Variants in KMT2C observed in about 807,000 individuals in gnomAD.
KMT2C encodes histone-lysine N-methyltransferase 2C.
In KMT2C, 88 loss-of-function variants were observed where a neutral mutation model predicts 507.9. The ratio of observed to expected loss-of-function variants is 0.17; its 90% CI spans 0.15 to 0.21. The LOEUF (loss-of-function observed/expected upper bound fraction) is 0.21. Among genes scored for constraint, KMT2C ranks in the 10% least tolerant of loss-of-function variants. The probability of loss-of-function intolerance (pLI) is 1.00; values close to 1 mark genes in which losing one functional copy is unlikely to be tolerated. For missense variants in KMT2C, 4,954 were observed against 5,957.8 expected (o/e 0.83, Z 5.55); for synonymous variants, 2,049 against 2,080.8 (o/e 0.98, Z 0.42).
At position 152,252,723 on chromosome 7, in the gene KMT2C, C is replaced by A. The variant is rs1200940887; in HGVS notation, c.1300-8G>T. On this transcript the variant is annotated splice_polypyrimidine_tract_variant and splice_region_variant and intron_variant, in intron 9 of 58. Transcript: ENST00000262189. ...TATACATATTCTGCAATTCTAAACACCAGGAAAAATAAAAACAAAAACAGT... is the reference window on the plus strand; with the variant it reads ...TATACATATTCTGCAATTCTAAACAACAGGAAAAATAAAAACAAAAACAGT... 6.4e-7 allele frequency: 1 copy of A among 1,571,894 alleles called. No individual in the cohort carries two copies. Among genetic ancestry groups the A allele is most frequent in the Non-Finnish European group, 8.7e-7 (1 of 1,152,922 alleles).
rs558632716 is a variant in KMT2C, at chr7:152,421,235, C to T, written c.161+14391G>A. ...CAGAATGGCTATGATTAAAAAGTCA[C>T]ACACAAAAAAAACATGTTGGCAAGG... On this transcript the variant is annotated intron_variant, in intron 1 of 58. Transcript: ENST00000262189. 7.2e-5 allele frequency among the ~76,000 whole-genome samples: 11 copies of T among 152,040 alleles called. No individual in the cohort carries two copies. In the South Asian group the frequency reaches 2.3e-3, roughly 32 times the overall value.
chr7:152,433,838 CGA>C (rs377522985), intron 1 of KMT2C, among the ~76,000 whole-genome samples: 2 of 152,378 alleles, frequency 1.3e-5, no homozygotes, highest in South Asian at 2.1e-4. Flanking sequence ...AGGGTGTGTG[CGA>C]GTGTGCGCGT....
intron 1 of KMT2C, among the ~76,000 whole-genome samples, chr7:152,420,276 C>T (rs1041450665): frequency 2.6e-5 from 4 of 152,210 alleles, no homozygotes; most frequent in African/African-American, 9.6e-5. Flanking sequence ...CTAACACCCA[C>T]ACCGATCTGT....
chr7:152,318,341 C>T (rs113051965), intron 3 of KMT2C, among the ~76,000 whole-genome samples: 7,808 of 151,984 alleles, frequency 0.051, 269 homozygotes, highest in Non-Finnish European at 0.074. Context: ...TGGTGGCACA[C>T]ACCTGTAATC....
At position 152,177,105 on chromosome 7, in the gene KMT2C, T is replaced by C. The variant is rs2129114215; in HGVS notation, c.8348A>G (p.Asp2783Gly). The part of the protein sequence containing the change: ...FNEELDLPID[D>G]KLDNQCVSVE... ...AGATACACACTGATTATCTAACTTA[T>C]CATCAATTGGAAGGTCTAGTTCCTC... is the stretch of plus-strand genomic sequence containing the variant. The change falls in exon 38 of 59, where the codon GAT becomes GGT. Residue 2783 changes from aspartate to glycine, a missense_variant. By Grantham distance (94) the Asp-to-Gly change is moderately conservative. Around this residue, in one of 29 missense-constraint regions of KMT2C, gnomAD observed 1,689 missense variants for 1,654.3 expected, o/e 1.02. Coordinates refer to ENST00000262189, the MANE Select transcript of KMT2C (RefSeq NM_170606.3). 1 of 1,613,098 alleles carries C rather than the reference T, an allele frequency of 6.2e-7. No individual in the cohort carries two copies. Among genetic ancestry groups the C allele is most frequent in the Non-Finnish European group, 8.5e-7 (1 of 1,179,682 alleles).
chr7:152,169,119 G>T (rs1364624564), intron 41 of KMT2C, 67 bp downstream of exon 41: 5 of 1,023,060 alleles, frequency 4.9e-6, no homozygotes, highest in South Asian at 1.3e-5. Flanking sequence ...TTCAGGTTTA[G>T]AACAGCACAC....
At chr7:152,408,995 C>T (rs370545172) in intron 1 of KMT2C, among the ~76,000 whole-genome samples, 15 of 146,034 alleles carry the variant, frequency 1.0e-4, no homozygotes, top group African/African-American at 3.8e-4. Context: ...GTTTCTCTCT[C>T]TTTTTTTTTT....
intron 6 of KMT2C, among the ~76,000 whole-genome samples, chr7:152,282,808 A>G (rs1381824453): frequency 6.8e-6 from 1 of 147,282 alleles, no homozygotes; most frequent in Non-Finnish European, 1.5e-5. Context: ...CCTATTATTC[A>G]CTTGCTATAT....
chr7:152,154,047 A>T lies in KMT2C; in HGVS notation c.12239T>A (p.Ile4080Lys), dbSNP rs150192787. The change falls in exon 48 of 59, where the codon ATA (isoleucine) becomes AAA (lysine). Residue 4080 changes from isoleucine (I) to lysine (K), a missense_variant. Physicochemically the swap from Ile to Lys is moderately radical, Grantham distance 102. Transcript: ENST00000262189. ...AGGATGCAGAGTAATTGCTACAGAT[A>T]TAAGACCTGATCTGGGACCATTTGG... ...PSPNGPRSGL[I>K]SVAITLHPTA... 6.2e-7 allele frequency: 1 copy of T among 1,614,174 alleles called. No homozygotes were observed. The highest frequency in any genetic ancestry group is 2.2e-5 in the East Asian group (1 of 44,888).
chr7:152,182,294 G>C lies in KMT2C; in HGVS notation c.5566C>G (p.Pro1856Ala), dbSNP rs1157727315. ...VFVKPQAPPP[P>A]PAPSRIPIQD... ...ATGGGAATCCGGGATGGGGCTGGAG[G>C]AGGAGGTGGAGCTTGTGGCTTTACA... is the stretch of plus-strand genomic sequence containing the variant. The change falls in exon 36 of 59, where the codon CCT (proline) becomes GCT (alanine). Residue 1856 changes from proline to alanine, a missense_variant. Coordinates refer to ENST00000262189, the MANE Select transcript of KMT2C (RefSeq NM_170606.3). 1 of 1,614,196 alleles carries C rather than the reference G, an allele frequency of 6.2e-7. No homozygotes were observed. Among genetic ancestry groups the C allele is most frequent in the Non-Finnish European group, 8.5e-7 (1 of 1,180,040 alleles).
At chr7:152,329,221 T>C (rs1047391608) in intron 3 of KMT2C, among the ~76,000 whole-genome samples, 3 of 151,858 alleles carry the variant, frequency 2.0e-5, no homozygotes, top group Non-Finnish European at 2.9e-5. Flanking sequence ...TAGCAAAAGA[T>C]AAAATGAGGA....
In KMT2C at chr7:152,149,048, G is replaced by C; in HGVS notation, c.12879C>G (p.Pro4293=). The change falls in exon 52 of 59, where the codon CCC becomes CCG. Residue 4293 remains proline, a synonymous_variant. Transcript: ENST00000262189. ...NISTLDVHCL[P]QLPEKASPPA... is the part of the protein sequence containing the mutation. Reference sequence around the variant, plus strand: ...GGGGAGAAGCTTTCTCTGGGAGCTGGGGGAGACAGTGCACATCCAAAGTGG... The same window carrying C: ...GGGGAGAAGCTTTCTCTGGGAGCTGCGGGAGACAGTGCACATCCAAAGTGG... The C allele has an allele frequency of 1.3e-6, 2 of 1,532,120 alleles. No individual in the cohort carries two copies. The highest frequency in any genetic ancestry group is 1.3e-5 in the South Asian group (1 of 75,580). 94.9% of individuals were successfully genotyped at this position (1,532,120 alleles called of 1,614,324 possible). A position where few individuals can be genotyped will look rare whatever the true frequency, so the allele number is the denominator to read the frequency against.
chr7:152,418,005 T>C (rs989721269), intron 1 of KMT2C, among the ~76,000 whole-genome samples: 4 of 142,830 alleles, frequency 2.8e-5, no homozygotes, highest in African/African-American at 1.0e-4. Flanking sequence ...TAGGCTGGAG[T>C]GAAGTGGCAC....
At chr7:152,365,485 G>A (rs1004762762) in intron 1 of KMT2C, among the ~76,000 whole-genome samples, 40 of 152,180 alleles carry the variant, frequency 2.6e-4, no homozygotes, top group African/African-American at 9.4e-4. Context: ...CAGCCTGGGC[G>A]GCAGAGTGAG....
intron 27 of KMT2C, 59 bp downstream of exon 27, chr7:152,199,220 T>G: frequency 7.4e-7 from 1 of 1,353,718 alleles, no homozygotes; most frequent in Non-Finnish European, 1.0e-6. Flanking sequence ...AAGATTTAAC[T>G]GAAAGGAAGA....
rs1253795869 is a variant in KMT2C, at chr7:152,194,434, T to A, written c.4507+6A>T. 1.9e-6 allele frequency: 3 copies of A among 1,613,000 alleles called. No individual in the cohort carries two copies. The South Asian group carries it at 3.3e-5, about 18-fold the overall frequency. On this transcript the variant is annotated splice_donor_region_variant and intron_variant, in intron 29 of 58. Transcript: ENST00000262189. ...AGAAAGCCTAGATGTAGGGCAAATA[T>A]TTTACCATCTGTGACCATTTTGTCT...
intron 3 of KMT2C, among the ~76,000 whole-genome samples, chr7:152,327,776 T>C (rs534309109): frequency 4.6e-5 from 7 of 151,462 alleles, no homozygotes; most frequent in East Asian, 3.9e-4. Flanking sequence ...GGCTAACACA[T>C]TGAAACCCCG....
At chr7:152,354,498 G>A (rs1338572852) in intron 2 of KMT2C, among the ~76,000 whole-genome samples, 1 of 152,138 alleles carries the variant, frequency 6.6e-6, no homozygotes, top group African/African-American at 2.4e-5. Context: ...AAGCCAATAT[G>A]AAATTAAATG....
chr7:152,179,895 C>A lies in KMT2C; in HGVS notation c.7381G>T (p.Asp2461Tyr). The A allele has an allele frequency of 6.2e-7, 1 of 1,614,110 alleles. No individual in the cohort carries two copies. Among genetic ancestry groups the A allele is most frequent in the Non-Finnish European group, 8.5e-7 (1 of 1,179,978 alleles). Residue 2461 changes from aspartate (D) to tyrosine (Y), a missense_variant, in exon 37 of 59, where the codon GAT becomes TAT. By Grantham distance (160) the Asp-to-Tyr change is radical (BLOSUM62 -3). Coordinates refer to ENST00000262189, the MANE Select transcript of KMT2C (RefSeq NM_170606.3). Reference protein sequence around the residue: ...LGPRYAVFPKDQRGPYPPDVA... With the variant: ...LGPRYAVFPKYQRGPYPPDVA... ...TCAGGAGGATAGGGTCCACGCTGAT[C>A]TTTTGGGAAAACAGCATATCTAGGT...
Sources: allele counts gnomAD v4.1 joint callset (sites outside exome capture counted in the v4.1 genomes callset), GRCh38; gene constraint gnomAD v4.1.1; regional missense constraint gnomAD v4.1.1; transcripts MANE v1.5; gene names NCBI Gene and HGNC (gene_info 2026-07-23, HGNC 2026-07-21).